Variants in BTBD9 observed in about 807,000 individuals in gnomAD.
The protein encoded by BTBD9 is BTB domain containing 9.
BTBD9 carries 49 observed loss-of-function variants against 64.3 expected under a neutral mutation model. The ratio of observed to expected loss-of-function variants is 0.76; its 90% CI spans 0.61 to 0.97. The LOEUF is 0.97. Among genes scored for constraint, BTBD9 ranks in the 50% least tolerant of loss-of-function variants. The pLI is 0.00. For synonymous variants in BTBD9, 260 were observed against 274.7 expected (o/e 0.95, Z 0.53); for missense variants, 598 against 762.1 (o/e 0.78, Z 2.53).
intron 6 of BTBD9, among the ~76,000 whole-genome samples, chr6:38,545,238 TG>T (rs1166102197): frequency 6.6e-6 from 1 of 151,960 alleles, no homozygotes; most frequent in Non-Finnish European, 1.5e-5. Context: ...ATTACAGGCA[TG>T]TGCCACCACA....
chr6:38,294,028 T>A (rs967559878), intron 7 of BTBD9, among the ~76,000 whole-genome samples: 1 of 152,036 alleles, frequency 6.6e-6, no homozygotes, highest in Non-Finnish European at 1.5e-5. Context: ...AACAGACACT[T>A]CTCAAAAGAA....
At chr6:38,619,283 G>A (rs1777904597) in intron 1 of BTBD9, among the ~76,000 whole-genome samples, 1 of 152,050 alleles carries the variant, frequency 6.6e-6, no homozygotes, top group African/African-American at 2.4e-5. Context: ...GGCAACCTTG[G>A]TATTCTATAA....
At position 38,172,020 on chromosome 6, in the gene BTBD9, T is replaced by G. The variant is rs1403461576; in HGVS notation, c.*2965A>C. 1 of 152,118 alleles carries G rather than the reference T, an allele frequency of 6.6e-6. No individual in the cohort carries two copies. The highest frequency in any genetic ancestry group is 2.4e-5 in the African/African-American group (1 of 41,424). The allele number at this position is 152,118 out of a possible 1,614,324, so 9.4% of individuals were successfully genotyped here. A position where few individuals can be genotyped will look rare whatever the true frequency, so the allele number is the denominator to read the frequency against. Reference sequence around the variant, plus strand: ...TGGTTACTGAGGACCATTGCCCTCATGGGCCCAGGCCACAGGCACCCACCT... The same window carrying G: ...TGGTTACTGAGGACCATTGCCCTCAGGGGCCCAGGCCACAGGCACCCACCT... On this transcript the variant is annotated 3_prime_UTR_variant, in exon 11 of 11. Coordinates refer to ENST00000481247, the MANE Select transcript of BTBD9 (RefSeq NM_001099272.2).
intron 1 of BTBD9, among the ~76,000 whole-genome samples, chr6:38,620,603 C>T (rs35528930): frequency 0.032 from 4,853 of 152,256 alleles, 146 homozygotes; most frequent in African/African-American, 0.076. Flanking sequence ...CCTGAACCTT[C>T]TAGCTAATCA....
At chr6:38,411,091 A>C (rs1767406036) in intron 6 of BTBD9, among the ~76,000 whole-genome samples, 1 of 152,142 alleles carries the variant, frequency 6.6e-6, no homozygotes, top group African/African-American at 2.4e-5. Flanking sequence ...CATGGCATGA[A>C]AGTAGACTTG....
At chr6:38,222,300 A>G (rs535819720) in intron 9 of BTBD9, among the ~76,000 whole-genome samples, 28 of 112,376 alleles carry the variant, frequency 2.5e-4, no homozygotes, top group Non-Finnish European at 3.5e-4. Flanking sequence ...TTGCTCTGTC[A>G]CCCAGGCTGG....
intron 8 of BTBD9, among the ~76,000 whole-genome samples, chr6:38,273,693 G>A (rs1582147240): frequency 6.6e-6 from 1 of 152,278 alleles, no homozygotes; most frequent in East Asian, 1.9e-4. Context: ...GCACTGAGCT[G>A]CCCCTGAGCT....
intron 9 of BTBD9, among the ~76,000 whole-genome samples, chr6:38,197,829 T>C (rs1419574023): frequency 2.6e-5 from 4 of 152,174 alleles, no homozygotes; most frequent in Non-Finnish European, 5.9e-5. Context: ...ATATGTACAA[T>C]ATGGGATTAC....
intron 1 of BTBD9, among the ~76,000 whole-genome samples, chr6:38,620,477 T>C (rs1582728992): frequency 1.3e-5 from 2 of 152,294 alleles, no homozygotes; most frequent in East Asian, 1.9e-4. Flanking sequence ...TGGTCAGATA[T>C]TGGCCCAAGA....
In BTBD9 at chr6:38,238,475, TTG is replaced by T. The variant is rs1400351574; in HGVS notation, c.1562+17932_1562+17933del. 1.7e-4 allele frequency among the ~76,000 whole-genome samples: 25 copies of T among 145,436 alleles called. 4 individuals carry two copies. Among genetic ancestry groups the T allele is most frequent in the Admixed American group, 9.2e-4 (13 of 14,172 alleles). ...AAGCTGTTGCGGAGACCAAGGTTTT[TTG>T]TTTTTTTTTTTTTGAGACGGAGTCT... On this transcript the variant is annotated intron_variant, in intron 9 of 10. Coordinates refer to ENST00000481247, the MANE Select transcript of BTBD9 (RefSeq NM_001099272.2).
At chr6:38,541,669 T>C (rs1302376781) in intron 6 of BTBD9, among the ~76,000 whole-genome samples, 1 of 151,982 alleles carries the variant, frequency 6.6e-6, no homozygotes, top group Non-Finnish European at 1.5e-5. Flanking sequence ...ACCCAGGAGA[T>C]GGAGGTTGCT....
At chr6:38,194,714 C>T (rs958752318) in intron 9 of BTBD9, among the ~76,000 whole-genome samples, 8 of 152,124 alleles carry the variant, frequency 5.3e-5, no homozygotes, top group African/African-American at 1.7e-4. Context: ...CGCTGGGAGC[C>T]GTCCTGGGCA....
intron 6 of BTBD9, among the ~76,000 whole-genome samples, chr6:38,401,505 T>C (rs1766926815): frequency 6.6e-6 from 1 of 152,188 alleles, no homozygotes; most frequent in Non-Finnish European, 1.5e-5. Flanking sequence ...TCAAACAGTC[T>C]TGCTGAAGGA....
At chr6:38,330,554 C>A (rs1377863136) in intron 7 of BTBD9, among the ~76,000 whole-genome samples, 1 of 151,786 alleles carries the variant, frequency 6.6e-6, no homozygotes, top group Non-Finnish European at 1.5e-5. Flanking sequence ...TTATTAGAGA[C>A]GCCATCTCTA....
At chr6:38,336,255 G>A (rs775448080) in intron 7 of BTBD9, among the ~76,000 whole-genome samples, 3 of 152,102 alleles carry the variant, frequency 2.0e-5, no homozygotes, top group Non-Finnish European at 2.9e-5. Context: ...ACCATTTTGT[G>A]TGAATCTCTC....
chr6:38,174,969 A>G lies in BTBD9; in HGVS notation c.*16T>C. 6.2e-7 allele frequency: 1 copy of G among 1,613,226 alleles called. No homozygotes were observed. Among genetic ancestry groups the G allele is most frequent in the Non-Finnish European group, 8.5e-7 (1 of 1,180,010 alleles). On this transcript the variant is annotated 3_prime_UTR_variant, in exon 11 of 11. Transcript: ENST00000481247. The stretch of plus-strand genomic sequence containing the variant: ...TTGCCCGAGCCCACCAAGTCACACC[A>G]GGCCCGCTGCCTCCTTTATTGGTGC...
chr6:38,608,965 A>C (rs1033200990), intron 1 of BTBD9, among the ~76,000 whole-genome samples: 6 of 152,212 alleles, frequency 3.9e-5, no homozygotes, highest in Non-Finnish European at 8.8e-5. Context: ...GAAACTCAGA[A>C]ACAAGTATCT....
chr6:38,230,065 T>A (rs1763543607), intron 9 of BTBD9, among the ~76,000 whole-genome samples: 1 of 152,214 alleles, frequency 6.6e-6, no homozygotes, highest in Admixed American at 6.5e-5. Flanking sequence ...CTTCTCATCA[T>A]CTCCACTGTA....
At position 38,638,318 on chromosome 6, in the gene BTBD9, T is replaced by C. The variant is rs141903235; in HGVS notation, c.-28+1482A>G. ...AGGGAAAAAAAAGACAGGTCTTCTA[T>C]GTCATTTTTCACTCCATAATCCTCC... On this transcript the variant is annotated intron_variant, in intron 1 of 10. Coordinates refer to ENST00000481247, the MANE Select transcript of BTBD9 (RefSeq NM_001099272.2). Among the ~76,000 whole-genome samples, 295 of 152,336 alleles carry C rather than the reference T, an allele frequency of 1.9e-3. 1 individual carries two copies. Among genetic ancestry groups the C allele is most frequent in the Middle Eastern group, 0.014 (4 of 294 alleles).
Sources: allele counts gnomAD v4.1 joint callset (sites outside exome capture counted in the v4.1 genomes callset), GRCh38; gene constraint gnomAD v4.1.1; transcripts MANE v1.5; gene names NCBI Gene and HGNC (gene_info 2026-07-23, HGNC 2026-07-21).